RNF2: variants seen among roughly 807,000 people sequenced by gnomAD.
The protein encoded by RNF2 is E3 ubiquitin-protein ligase RING2.
In RNF2, 6 loss-of-function variants were observed where a neutral mutation model predicts 37.2. That is an observed-to-expected ratio of 0.16 (90% CI 0.09 to 0.32). The LOEUF (loss-of-function observed/expected upper bound fraction) is 0.32, where lower values mean the gene tolerates loss of function less well. Ranked by LOEUF, RNF2 falls within the 10% of genes least tolerant of loss-of-function variation. The pLI is 1.00. For synonymous variants in RNF2, 133 were observed against 132.7 expected (o/e 1.00, Z -0.02); for missense variants, 251 against 404.0 (o/e 0.62, Z 3.25).
intron 4 of RNF2, among the ~76,000 whole-genome samples, chr1:185,094,034 A>C (rs1251712644): frequency 6.6e-6 from 1 of 152,166 alleles, no homozygotes; most frequent in Non-Finnish European, 1.5e-5. Context: ...TAACATGATG[A>C]ATACTGAACT....
chr1:185,067,406 C>T (rs940014881), intron 1 of RNF2, among the ~76,000 whole-genome samples: 1 of 152,110 alleles, frequency 6.6e-6, no homozygotes, highest in Non-Finnish European at 1.5e-5. Flanking sequence ...AAATATAACA[C>T]CTGTATCCTG....
At chr1:185,088,343 G>C (rs960384070) in intron 2 of RNF2, among the ~76,000 whole-genome samples, 1 of 151,944 alleles carries the variant, frequency 6.6e-6, no homozygotes, top group African/African-American at 2.4e-5. Flanking sequence ...AGAGAGGGGG[G>C]ATTTAAAAGC....
intron 1 of RNF2, among the ~76,000 whole-genome samples, chr1:185,053,890 A>T (rs77879280): frequency 7.0e-6 from 1 of 143,376 alleles, no homozygotes; most frequent in South Asian, 2.2e-4. Context: ...GTCTTGTATT[A>T]AAAAAAAAAG....
intron 4 of RNF2, among the ~76,000 whole-genome samples, chr1:185,097,230 A>G (rs1651937092): frequency 1.3e-5 from 2 of 152,360 alleles, no homozygotes; most frequent in Non-Finnish European, 1.5e-5. Flanking sequence ...AATTAGCTTT[A>G]GTATCTGAGC....
At position 185,093,624 on chromosome 1, in the gene RNF2, T is replaced by C. The variant is rs1217853552; in HGVS notation, c.464+348T>C. ...ATATTGCTCTTATCAATGTTATTAG[T>C]GATCTCTTCATTGTGCCATCTAATG... On this transcript the variant is annotated intron_variant, in intron 4 of 6. Transcript: ENST00000367510. 2.6e-5 allele frequency among the ~76,000 whole-genome samples: 4 copies of C among 152,340 alleles called. No individual in the cohort carries two copies. In the South Asian group the frequency reaches 6.2e-4, roughly 24 times the overall value.
intron 4 of RNF2, among the ~76,000 whole-genome samples, chr1:185,095,635 T>C (rs1481915229): frequency 6.6e-6 from 1 of 152,222 alleles, no homozygotes; most frequent in Non-Finnish European, 1.5e-5. Flanking sequence ...GAACCATGCT[T>C]GGCTTAAAGT....
At chr1:185,064,281 A>G (rs555985546) in intron 1 of RNF2, among the ~76,000 whole-genome samples, 1 of 152,348 alleles carries the variant, frequency 6.6e-6, no homozygotes, top group South Asian at 2.1e-4. Flanking sequence ...TGGATAGGAT[A>G]GGATAGCTAG....
At position 185,099,934 on chromosome 1, in the gene RNF2, A is replaced by G. The variant is rs1557976906; in HGVS notation, c.881A>G (p.Tyr294Cys). The change falls in exon 6 of 7, where the codon TAT (tyrosine) becomes TGT (cysteine). Residue 294 changes from tyrosine to cysteine, a missense_variant. Coordinates refer to ENST00000367510, the MANE Select transcript of RNF2 (RefSeq NM_007212.4). The part of the protein sequence containing the change: ...DTASEKQYTI[Y>C]IATASGQFTV... ...GCCAGTGAGAAGCAGTATACCATTT[A>G]TATAGCAACAGCCAGTGGCCAGTTC... 6.2e-7 allele frequency: 1 copy of G among 1,612,002 alleles called. No individual in the cohort carries two copies.
chr1:185,058,004 A>G (rs1650485834), intron 1 of RNF2, among the ~76,000 whole-genome samples: 1 of 152,134 alleles, frequency 6.6e-6, no homozygotes, highest in Non-Finnish European at 1.5e-5. Flanking sequence ...GCACACCTAT[A>G]GTCTCAGTTA....
intron 1 of RNF2, among the ~76,000 whole-genome samples, chr1:185,085,109 C>A (rs1251533423): frequency 6.9e-6 from 1 of 145,312 alleles, no homozygotes; most frequent in Non-Finnish European, 1.5e-5. Context: ...AAAATGGTTG[C>A]TTTCTCAGAG....
chr1:185,093,599 A>G (rs1464087541), intron 4 of RNF2, among the ~76,000 whole-genome samples: 1 of 152,122 alleles, frequency 6.6e-6, no homozygotes, highest in Non-Finnish European at 1.5e-5. Context: ...CCACCCCATC[A>G]TATTGCTCTT....
chr1:185,088,470 C>G (rs1651666833), intron 2 of RNF2, among the ~76,000 whole-genome samples: 1 of 151,638 alleles, frequency 6.6e-6, no homozygotes, highest in Non-Finnish European at 1.5e-5. Context: ...GCAGGAGAAT[C>G]ACTTGAACCT....
intron 1 of RNF2, among the ~76,000 whole-genome samples, chr1:185,082,429 C>A (rs1441729181): frequency 6.8e-6 from 1 of 147,454 alleles, no homozygotes; most frequent in Non-Finnish European, 1.5e-5. Flanking sequence ...TGGCTCACTG[C>A]AACCTCTGCC....
chr1:185,070,475 A>G (rs1164309471), intron 1 of RNF2, among the ~76,000 whole-genome samples: 1 of 152,108 alleles, frequency 6.6e-6, no homozygotes, highest in African/African-American at 2.4e-5. Context: ...TTTTCCTTGA[A>G]TGGTCTTGGG....
At chr1:185,077,019 T>G (rs1358038883) in intron 1 of RNF2, among the ~76,000 whole-genome samples, 1 of 152,196 alleles carries the variant, frequency 6.6e-6, no homozygotes, top group Non-Finnish European at 1.5e-5. Flanking sequence ...TTTTGTCTTT[T>G]CAATATTTTG....
At chr1:185,073,659 G>A (rs541599037) in intron 1 of RNF2, among the ~76,000 whole-genome samples, 7 of 152,200 alleles carry the variant, frequency 4.6e-5, no homozygotes, top group African/African-American at 7.2e-5. Flanking sequence ...AAGGGCTGAT[G>A]TGTCTACTGT....
In RNF2 at chr1:185,091,665, G is replaced by A. The variant is rs144442502; in HGVS notation, c.174G>A (p.Leu58=). ...TGTGCCCAATTTGTTTGGATATGTT[G>A]AAGAACACCATGACTACAAAGGAGT... ...ELMCPICLDM[L]KNTMTTKECL... is the part of the protein sequence containing the mutation. Residue 58 remains leucine, a synonymous_variant, in exon 3 of 7, where the codon TTG becomes TTA. Transcript: ENST00000367510. The A allele has an allele frequency of 1.3e-4, 202 of 1,614,174 alleles. 1 individual carries two copies. The Middle Eastern group carries it at 4.1e-3, about 33-fold the overall frequency.
chr1:185,074,818 TTAAAG>T (rs531164515), intron 1 of RNF2, among the ~76,000 whole-genome samples: 421 of 152,306 alleles, frequency 2.8e-3, no homozygotes, highest in Non-Finnish European at 4.4e-3. Flanking sequence ...TAGAGATGAT[TTAAAG>T]TACACAGGAG....
At chr1:185,050,308 T>C (rs1395658653) in intron 1 of RNF2, among the ~76,000 whole-genome samples, 1 of 152,252 alleles carries the variant, frequency 6.6e-6, no homozygotes, top group African/African-American at 2.4e-5. Flanking sequence ...ATGAGTGCTA[T>C]GTTTTGGGAG....
Sources: allele counts gnomAD v4.1 joint callset (sites outside exome capture counted in the v4.1 genomes callset), GRCh38; gene constraint gnomAD v4.1.1; transcripts MANE v1.5; gene names NCBI Gene and HGNC (gene_info 2026-07-23, HGNC 2026-07-21).